The following STYXL1 variants were observed in gnomAD, a reference collection of about 807,000 sequenced individuals.
STYXL1 encodes the protein serine/threonine/tyrosine-interacting-like protein 1.
STYXL1 carries 32 observed loss-of-function variants against 36.4 expected under a neutral mutation model. That is an observed-to-expected ratio of 0.88 (90% CI 0.66 to 1.18). The LOEUF (loss-of-function observed/expected upper bound fraction) is 1.18. Among genes scored for constraint, STYXL1 ranks in the 50% most tolerant of loss-of-function variants. The pLI is 0.00. For missense variants in STYXL1, 354 were observed against 394.1 expected, an observed-to-expected ratio of 0.90 and a Z score of 0.86; for synonymous variants, 133 against 144.1, an observed-to-expected ratio of 0.92 and a Z score of 0.55.
chr7:76,013,937 G>A (rs1792926328), intron 4 of STYXL1, 50 bp from the exon 5 acceptor site: 3 of 1,535,218 alleles, frequency 2.0e-6, no homozygotes, highest in African/African-American at 2.8e-5. Context: ...TCTGCCATTG[G>A]TCTAGAGCTG....
intron 1 of STYXL1, among the ~76,000 whole-genome samples, chr7:76,034,062 T>C (rs1795677815): frequency 6.6e-6 from 1 of 152,164 alleles, no homozygotes; most frequent in African/African-American, 2.4e-5. Flanking sequence ...AGGGAGGAAA[T>C]ACTCAGTGAG....
chr7:76,002,153 G>A (rs188323752), intron 7 of STYXL1, among the ~76,000 whole-genome samples: 30 of 152,248 alleles, frequency 2.0e-4, no homozygotes, highest in Admixed American at 1.0e-3. Context: ...CCGGGCTGGA[G>A]GGTAAGTTAC....
At chr7:76,012,291 T>C (rs1792654553) in intron 5 of STYXL1, among the ~76,000 whole-genome samples, 1 of 152,142 alleles carries the variant, frequency 6.6e-6, no homozygotes, top group Admixed American at 6.6e-5. Context: ...TTTGTTTTTT[T>C]TGGAGACAGG....
intron 1 of STYXL1, 39 bp from the exon 2 acceptor site, chr7:76,030,566 T>C (rs1554579016): frequency 2.4e-6 from 3 of 1,262,594 alleles, no homozygotes; most frequent in African/African-American, 2.9e-5. Context: ...AACATAACTC[T>C]ATTTTAGATG....
At chr7:76,028,890 C>T (rs1313864939) in intron 2 of STYXL1, among the ~76,000 whole-genome samples, 187 bp from the exon 3 acceptor site, 2 of 151,940 alleles carry the variant, frequency 1.3e-5, no homozygotes, top group Non-Finnish European at 2.9e-5. Context: ...TTTGGAAGGC[C>T]GAGGCAGGTG....
intron 1 of STYXL1, chr7:76,045,255 G>A (rs1329737015): frequency 1.3e-5 from 2 of 149,348 alleles, no homozygotes; most frequent in Admixed American, 6.8e-5. Context: ...GGCCACCACC[G>A]TAATTCAGAC....
At chr7:76,006,479 G>A (rs980985565) in intron 5 of STYXL1, among the ~76,000 whole-genome samples, 8 of 152,116 alleles carry the variant, frequency 5.3e-5, no homozygotes, top group Non-Finnish European at 8.8e-5. Flanking sequence ...TAAAACTTTC[G>A]TTTGCCGGGC....
chr7:76,013,911 G>C lies in STYXL1; in HGVS notation c.308-24C>G, dbSNP rs372636375. ...ATCTGAGAGTGGAGACCAAAGACAT[G>C]AATGTCTCCTGTGTATCTGCCATTG... On this transcript the variant is annotated intron_variant, in intron 4 of 8. Transcript: ENST00000359697. The C allele has an allele frequency of 4.4e-6, 7 of 1,593,496 alleles. No individual in the cohort carries two copies. In the African/African-American group the frequency reaches 5.4e-5, roughly 12 times the overall value.
intron 5 of STYXL1, among the ~76,000 whole-genome samples, 176 bp from the exon 6 acceptor site, chr7:76,005,580 C>T (rs1258190804): frequency 1.3e-5 from 2 of 152,102 alleles, no homozygotes; most frequent in Non-Finnish European, 2.9e-5. Flanking sequence ...TGGGGTGGCA[C>T]AGGGCGAGTC....
At chr7:76,046,274 CTGTGTGTGTGTGTGTGTG>C (rs782245806) in intron 1 of STYXL1, among the ~76,000 whole-genome samples, 2,488 of 102,574 alleles carry the variant, frequency 0.024, 63 homozygotes, top group African/African-American at 0.06. Flanking sequence ...AGCTTATCTG[CTGTGTGTGTGTGTGTGTG>C]TGTGTGTGTG....
intron 7 of STYXL1, among the ~76,000 whole-genome samples, chr7:76,001,328 G>A (rs561443919): frequency 5.3e-5 from 8 of 152,274 alleles, no homozygotes; most frequent in South Asian, 2.1e-4. Context: ...CAGGACCATC[G>A]TCATCCCAAA....
intron 6 of STYXL1, 117 bp from the exon 7 acceptor site, chr7:76,003,972 G>T: frequency 1.2e-6 from 1 of 853,736 alleles, no homozygotes; most frequent in Non-Finnish European, 1.9e-6. Context: ...GTGTAAGGGG[G>T]AATGTGCACA....
intron 1 of STYXL1, among the ~76,000 whole-genome samples, chr7:76,042,286 T>C (rs1337534291): frequency 6.6e-6 from 1 of 151,490 alleles, no homozygotes; most frequent in African/African-American, 2.4e-5. Flanking sequence ...CCAAATCCTC[T>C]TTGGGAGCAA....
At chr7:75,999,809 A>G (rs1281164934) in intron 8 of STYXL1, among the ~76,000 whole-genome samples, 8 of 152,022 alleles carry the variant, frequency 5.3e-5, no homozygotes, top group Non-Finnish European at 1.2e-4. Context: ...GCCTCCCACA[A>G]TGCTGGGATT....
chr7:76,004,088 C>T (rs557351180), intron 6 of STYXL1, among the ~76,000 whole-genome samples: 1 of 152,002 alleles, frequency 6.6e-6, no homozygotes, highest in Admixed American at 6.6e-5. Context: ...ATAGCGAGAC[C>T]CTTGTCTTTT....
chr7:76,019,272 CTGTT>C (rs1278451423), intron 4 of STYXL1, among the ~76,000 whole-genome samples: 1 of 149,980 alleles, frequency 6.7e-6, no homozygotes, highest in Non-Finnish European at 1.5e-5. Flanking sequence ...TGAACTCTAA[CTGTT>C]TTTTTCTTTT....
chr7:76,002,261 C>T (rs1441131772), intron 7 of STYXL1, among the ~76,000 whole-genome samples: 1 of 152,190 alleles, frequency 6.6e-6, no homozygotes, highest in African/African-American at 2.4e-5. Flanking sequence ...GTGCCTGGCA[C>T]AGAAATATCA....
rs1792922530 is a variant in STYXL1 at position 76,013,906 on chromosome 7, G to A, written c.308-19C>T. 6.3e-7 allele frequency: 1 copy of A among 1,597,964 alleles called. No homozygotes were observed. Among genetic ancestry groups the A allele is most frequent in the Non-Finnish European group, 8.5e-7 (1 of 1,170,974 alleles). On this transcript the variant is annotated intron_variant, in intron 4 of 8. Transcript: ENST00000359697. Reference sequence around the variant, plus strand: ...ACAAGATCTGAGAGTGGAGACCAAAGACATGAATGTCTCCTGTGTATCTGC... The same window carrying A: ...ACAAGATCTGAGAGTGGAGACCAAAAACATGAATGTCTCCTGTGTATCTGC...
At chr7:76,016,165 T>C (rs1793286962) in intron 4 of STYXL1, among the ~76,000 whole-genome samples, 1 of 151,964 alleles carries the variant, frequency 6.6e-6, no homozygotes, top group African/African-American at 2.4e-5. Flanking sequence ...TATAAGTATA[T>C]ACATATGTAC....
Sources: gnomAD v4.1 joint callset for allele counts (sites outside exome capture counted in the v4.1 genomes callset) on GRCh38, gnomAD v4.1.1 for gene constraint, MANE v1.5 for transcripts, NCBI Gene and HGNC (gene_info 2026-07-23, HGNC 2026-07-21) for gene names.